The following ZNF536 variants were observed in gnomAD, a reference collection of about 807,000 sequenced individuals.
The protein encoded by ZNF536 is zinc finger protein 536.
In ZNF536, 13 loss-of-function variants were observed where a neutral mutation model predicts 84.5. The ratio of observed to expected loss-of-function variants is 0.15; its 90% CI spans 0.10 to 0.24. ZNF536 has a LOEUF of 0.24. Among genes scored for constraint, ZNF536 ranks in the 10% least tolerant of loss-of-function variants. The probability of loss-of-function intolerance (pLI) is 1.00; values close to 1 mark genes in which losing one functional copy is unlikely to be tolerated. For missense variants in ZNF536, 1,536 were observed against 1,747.5 expected, an observed-to-expected ratio of 0.88 and a Z score of 2.16; for synonymous variants, 811 against 742.5, an observed-to-expected ratio of 1.09 and a Z score of -1.50.
At chr19:30,623,203 C>G (rs1052514653) in intron 1 of ZNF536, among the ~76,000 whole-genome samples, 7 of 152,062 alleles carry the variant, frequency 4.6e-5, no homozygotes, top group East Asian at 1.9e-4. Context: ...GAAAGAATAG[C>G]CTTTGCCATC....
chr19:30,628,238 G>A (rs2048758288), intron 1 of ZNF536, among the ~76,000 whole-genome samples: 1 of 152,212 alleles, frequency 6.6e-6, no homozygotes, highest in Admixed American at 6.5e-5. Flanking sequence ...CCTGGGACCA[G>A]AGGGTCTGCC....
intron 1 of ZNF536, among the ~76,000 whole-genome samples, chr19:30,578,045 C>T (rs565003325): frequency 5.3e-5 from 8 of 152,122 alleles, no homozygotes; most frequent in Non-Finnish European, 7.4e-5. Context: ...GGCAACAGTG[C>T]GGCTTTTGTG....
chr19:30,701,509 TCACAAACACACAGACA>T (rs1001753354), intron 1 of ZNF536, among the ~76,000 whole-genome samples: 212 of 65,114 alleles, frequency 3.3e-3, no homozygotes, highest in Non-Finnish European at 7.3e-4. Context: ...ACACAAAAAC[TCACAAACACACAGACA>T]CACAAACACA....
chr19:30,455,716 T>C (rs1600809836), intron 2 of ZNF536, among the ~76,000 whole-genome samples: 1 of 152,190 alleles, frequency 6.6e-6, no homozygotes, highest in South Asian at 2.1e-4. Context: ...GTATTATCTT[T>C]TCTCTATTCT....
chr19:30,528,192 C>T (rs1475793730), intron 2 of ZNF536, among the ~76,000 whole-genome samples: 2 of 152,084 alleles, frequency 1.3e-5, no homozygotes, highest in Non-Finnish European at 1.5e-5. Context: ...GGGTAACTCT[C>T]CAGTCACCAT....
Position 30,684,792 on chromosome 19 carries a change from C to T in ZNF536, c.170-25965C>T, listed in dbSNP as rs73031199. Among the ~76,000 whole-genome samples, 409 of 152,214 alleles carry T rather than the reference C, an allele frequency of 2.7e-3. 3 individuals are homozygous for T. Among genetic ancestry groups the T allele is most frequent in the South Asian group, 0.015 (71 of 4,822 alleles). On this transcript the variant is annotated intron_variant, in intron 1 of 1. Coordinates refer to the ZNF536 transcript ENST00000592773. ...GCATGACTTTATAGGGGCTGATTGA[C>T]GCAGGGGGCGGGACATGGGCAGCGG...
At position 30,697,132 on chromosome 19, in the gene ZNF536, G is replaced by C. The variant is rs534027207; in HGVS notation, c.170-13625G>C. On this transcript the variant is annotated intron_variant, in intron 1 of 1. Transcript: ENST00000592773. ...GCCAGGCATGGGGGCAGGTGAGAGA[G>C]AGAGCAAGTGGGAACTGCCAAACAC... is the stretch of plus-strand genomic sequence containing the variant. Among the ~76,000 whole-genome samples, 9 of 152,318 alleles carry C rather than the reference G, an allele frequency of 5.9e-5. 1 individual carries two copies. In the South Asian group the frequency reaches 1.9e-3, roughly 32 times the overall value.
At chr19:30,679,618 G>C (rs2050888580) in intron 1 of ZNF536, among the ~76,000 whole-genome samples, 1 of 152,164 alleles carries the variant, frequency 6.6e-6, no homozygotes, top group Admixed American at 6.5e-5. Context: ...GGGGCAGCAG[G>C]GAAGGGCCAG....
At chr19:30,511,647 A>G in intron 2 of ZNF536, among the ~76,000 whole-genome samples, 1 of 152,226 alleles carries the variant, frequency 6.6e-6, no homozygotes, top group East Asian at 1.9e-4. Context: ...TCACCCCCAC[A>G]GCAGACATTA....
At chr19:30,561,405 C>T (rs2046160154), downstream of ZNF536, among the ~76,000 whole-genome samples, 1 of 152,168 alleles carries the variant, frequency 6.6e-6, no homozygotes, top group African/African-American at 2.4e-5. Context: ...TTAGCTCTTT[C>T]TTGTCAAGTA....
At chr19:30,395,524 G>A (rs917582178) in intron 1 of ZNF536, among the ~76,000 whole-genome samples, 4 of 152,216 alleles carry the variant, frequency 2.6e-5, no homozygotes, top group Admixed American at 2.0e-4. Context: ...ATCTGCCAAA[G>A]AAGGGCCACC....
upstream of ZNF536, among the ~76,000 whole-genome samples, chr19:30,370,121 T>C (rs966809340): frequency 2.6e-5 from 4 of 152,232 alleles, no homozygotes; most frequent in Non-Finnish European, 5.9e-5. Flanking sequence ...GTTCTCCATT[T>C]ATCTGAGATT....
chr19:30,652,833 C>T (rs1290776170), intron 1 of ZNF536, among the ~76,000 whole-genome samples: 1 of 152,146 alleles, frequency 6.6e-6, no homozygotes, highest in Non-Finnish European at 1.5e-5. Context: ...TTGGGGTCAT[C>T]CCTGGTGGCT....
chr19:30,356,177 G>A (rs1293895949), intron 3 of ZNF536, among the ~76,000 whole-genome samples: 7 of 152,234 alleles, frequency 4.6e-5, no homozygotes, highest in African/African-American at 1.2e-4. Flanking sequence ...GAATTTCAGG[G>A]CATGGTTGTC....
intron 1 of ZNF536, among the ~76,000 whole-genome samples, chr19:30,646,189 C>T (rs960336646): frequency 2.6e-5 from 4 of 152,312 alleles, no homozygotes; most frequent in African/African-American, 9.6e-5. Flanking sequence ...CTTCTTTCAT[C>T]CCTGTGGCAT....
chr19:30,535,511 G>A (rs1488385001), intron 3 of ZNF536, among the ~76,000 whole-genome samples: 3 of 152,128 alleles, frequency 2.0e-5, no homozygotes, highest in East Asian at 1.9e-4. Flanking sequence ...TCCATGTGGC[G>A]TGGTGGAAAA....
intron 1 of ZNF536, among the ~76,000 whole-genome samples, chr19:30,638,605 A>G (rs778283526): frequency 3.3e-5 from 5 of 152,210 alleles, no homozygotes; most frequent in Non-Finnish European, 7.3e-5. Context: ...ATCTTCCCCC[A>G]TGATCCAGTG....
chr19:30,265,539 G>A (rs541567157), intron 1 of ZNF536, among the ~76,000 whole-genome samples: 4 of 152,112 alleles, frequency 2.6e-5, no homozygotes, highest in East Asian at 3.9e-4. Context: ...TGTCCACCCC[G>A]CATCTCCCTC....
At chr19:30,393,501 A>G (rs1223427694) in intron 1 of ZNF536, among the ~76,000 whole-genome samples, 1 of 152,202 alleles carries the variant, frequency 6.6e-6, no homozygotes, top group Admixed American at 6.5e-5. Flanking sequence ...TGTTCGTCAG[A>G]GAATCACATG....
Sources: gnomAD v4.1 joint callset for allele counts (sites outside exome capture counted in the v4.1 genomes callset) on GRCh38, gnomAD v4.1.1 for gene constraint, MANE v1.5 for transcripts, NCBI Gene and HGNC (gene_info 2026-07-23, HGNC 2026-07-21) for gene names.